The following RUSC1 variants were observed in gnomAD, a reference collection of about 807,000 sequenced individuals.
RUSC1 encodes the protein AP-4 complex accessory subunit RUSC1.
Under a neutral mutation model 72.1 loss-of-function variants are expected in RUSC1, and 40 were observed. That is an observed-to-expected ratio of 0.55 (90% CI 0.43 to 0.72). The LOEUF (loss-of-function observed/expected upper bound fraction) is 0.72. RUSC1 is among the 30% of genes least tolerant of loss of function. The pLI is 0.00. For synonymous variants in RUSC1, 512 were observed against 494.2 expected, an observed-to-expected ratio of 1.04 and a Z score of -0.48; for missense variants, 1,092 against 1,172.3, an observed-to-expected ratio of 0.93 and a Z score of 1.00.
chr1:155,321,297 ACCT>A (rs781388549), intron 1 of RUSC1: 2 of 1,367,824 alleles, frequency 1.5e-6, no homozygotes, highest in South Asian at 1.1e-5. Context: ...CCCATCCTCC[ACCT>A]CCTTTCAGGG....
chr1:155,325,543 G>T lies in RUSC1; in HGVS notation c.1709-24G>T. The T allele has an allele frequency of 6.2e-7, 1 of 1,607,288 alleles. No individual in the cohort carries two copies. On this transcript the variant is annotated intron_variant, in intron 5 of 9. Coordinates refer to ENST00000368352, the MANE Select transcript of RUSC1 (RefSeq NM_001105203.2). This position sits in a 1 kb window ranked among gnomAD's most constrained non-coding sequence, Gnocchi z 6.5. ...AGTGCGCAGGGCAGGGCCGGGCTTGGCTGACTGCACCCCACGTTCTCAGGC... is the reference window on the plus strand; with the variant it reads ...AGTGCGCAGGGCAGGGCCGGGCTTGTCTGACTGCACCCCACGTTCTCAGGC...
chr1:155,328,264 GC>G lies in RUSC1; in HGVS notation c.2530del (p.Gln844LysfsTer20). On this transcript the variant is annotated frameshift_variant, in exon 9 of 10. Coordinates refer to ENST00000368352, the MANE Select transcript of RUSC1 (RefSeq NM_001105203.2). LOFTEE classifies it high-confidence loss of function. Reference sequence around the variant, plus strand: ...TTGAGGCCTCAGCACCCAGGATGGTGCAAACCCATAGGTAAGGAGGATTGGG... The same window carrying G: ...TTGAGGCCTCAGCACCCAGGATGGTGAAACCCATAGGTAAGGAGGATTGGG... ...ELEASAPRMV[Q>X]THRAVRALCD... is the part of the protein sequence containing the mutation. 1 of 1,611,692 alleles carries G rather than the reference GC, an allele frequency of 6.2e-7. No individual in the cohort carries two copies. The highest frequency in any genetic ancestry group is 8.5e-7 in the Non-Finnish European group (1 of 1,178,856).
Position 155,321,957 on chromosome 1 carries a change from G to A in RUSC1, c.184G>A (p.Ala62Thr), listed in dbSNP as rs1557988760. The change falls in exon 2 of 10, where the codon GCC becomes ACC. Residue 62 changes from alanine to threonine, a missense_variant. Physicochemically the swap from Ala to Thr is moderately conservative, Grantham distance 58 (BLOSUM62 0). Coordinates refer to ENST00000368352, the MANE Select transcript of RUSC1 (RefSeq NM_001105203.2). ...CCCCTGCAGTGGCACCCTGGTGGAC[G>A]CCAATTCCAACAGCCCAGCTGTGCC... is the stretch of plus-strand genomic sequence containing the variant. The part of the protein sequence containing the change: ...RGPCSGTLVD[A>T]NSNSPAVPCR... 5.0e-6 allele frequency: 8 copies of A among 1,599,550 alleles called. No homozygotes were observed. Among genetic ancestry groups the A allele is most frequent in the South Asian group, 1.1e-5 (1 of 89,040 alleles).
intron 2 of RUSC1, chr1:155,324,085 C>A (rs1650958478): frequency 8.6e-7 from 1 of 1,156,418 alleles, no homozygotes; most frequent in Non-Finnish European, 1.1e-6. Flanking sequence ...TACCCAGCCT[C>A]CATGCCAAGT....
Position 155,322,233 on chromosome 1 carries a change from A to G in RUSC1, c.460A>G (p.Thr154Ala). 1.2e-6 allele frequency: 2 copies of G among 1,612,968 alleles called. No homozygotes were observed. The highest frequency in any genetic ancestry group is 1.7e-6 in the Non-Finnish European group (2 of 1,179,236). Reference protein sequence around the residue: ...GSPLASAGPGTCSPDSFCCSP... With the variant: ...GSPLASAGPGACSPDSFCCSP... ...CCCACTGGCTTCAGCAGGCCCTGGC[A>G]CCTGCTCACCGGACAGCTTCTGCTG... The change falls in exon 2 of 10, where the codon ACC (threonine) becomes GCC (alanine). Residue 154 changes from threonine to alanine, a missense_variant. Thr to Ala is a moderately conservative substitution (Grantham distance 58, BLOSUM62 0). Transcript: ENST00000368352.
chr1:155,323,145 G>A lies in RUSC1; in HGVS notation c.1357+15G>A. ...CGGCCTGGAGGGTAAGAGGTCGCAA[G>A]AAGCGGGAGGAGGGCTGGGCTTCGG... is the stretch of plus-strand genomic sequence containing the variant. On this transcript the variant is annotated intron_variant, in intron 2 of 9. Coordinates refer to ENST00000368352, the MANE Select transcript of RUSC1 (RefSeq NM_001105203.2). 7.1e-7 allele frequency: 1 copy of A among 1,401,724 alleles called. No individual in the cohort carries two copies. Among genetic ancestry groups the A allele is most frequent in the Non-Finnish European group, 9.2e-7 (1 of 1,084,966 alleles). 86.8% of individuals were successfully genotyped at this position (1,401,724 alleles called of 1,614,324 possible).
In RUSC1 at chr1:155,322,833, C is replaced by T. The variant is rs200626932; in HGVS notation, c.1060C>T (p.Pro354Ser). 4.9e-5 allele frequency: 79 copies of T among 1,613,266 alleles called. No individual in the cohort carries two copies. In the East Asian group the frequency reaches 4.9e-4, roughly 10 times the overall value. ...CTTCTCGCCCGACACCGAGCTCCCC[C>T]CCTCGGGGTCGCCGGGCGGCTCCTC... ...IVFSPDTELP[P>S]SGSPGGSSAP... The change falls in exon 2 of 10, where the codon CCC becomes TCC. Residue 354 changes from proline (P) to serine (S), a missense_variant. Coordinates refer to ENST00000368352, the MANE Select transcript of RUSC1 (RefSeq NM_001105203.2).
rs761453001 is a variant in RUSC1 at position 155,328,205 on chromosome 1, G to A, written c.2470G>A (p.Gly824Arg). ...TVSVLALVKR[G>R]APPEMPSPQE... Reference sequence around the variant, plus strand: ...GAGTGTGTTGGCTCTTGTGAAGCGGGGGGCACCTCCCGAGATGCCTTCTCC... The same window carrying A: ...GAGTGTGTTGGCTCTTGTGAAGCGGAGGGCACCTCCCGAGATGCCTTCTCC... Residue 824 changes from glycine (G) to arginine (R), a missense_variant, in exon 9 of 10, where the codon GGG becomes AGG. Physicochemically the swap from Gly to Arg is moderately radical, Grantham distance 125. Transcript: ENST00000368352. 1 of 1,613,300 alleles carries A rather than the reference G, an allele frequency of 6.2e-7. No homozygotes were observed.
chr1:155,326,868 C>T lies in RUSC1; in HGVS notation c.2150C>T (p.Pro717Leu). 1.9e-6 allele frequency: 3 copies of T among 1,613,752 alleles called. No individual in the cohort carries two copies. Among genetic ancestry groups the T allele is most frequent in the South Asian group, 2.2e-5 (2 of 91,092 alleles). Residue 717 changes from proline (P) to leucine (L), a missense_variant, in exon 8 of 10, where the codon CCC (proline) becomes CTC (leucine). Coordinates refer to ENST00000368352, the MANE Select transcript of RUSC1 (RefSeq NM_001105203.2). The surrounding 1 kb of genome is among the most constrained non-coding windows in gnomAD (Gnocchi z 4.7). ...ACTTCCAAGGAAGCTGCTTCAGACC[C>T]CTCTGACTCTCCAAACCTTCCCACA... Reference protein sequence around the residue: ...RGTSKEAASDPSDSPNLPTPG... With the variant: ...RGTSKEAASDLSDSPNLPTPG...
rs766410988 is a variant in RUSC1, at chr1:155,322,762, C to T, written c.989C>T (p.Pro330Leu). ...AAGCGCAAGCGGGGCCCAGGGCTGCCCCTTGTCCCGCAGGCGAAGAAAGAT... is the reference window on the plus strand; with the variant it reads ...AAGCGCAAGCGGGGCCCAGGGCTGCTCCTTGTCCCGCAGGCGAAGAAAGAT... ...AQKRKRGPGL[P>L]LVPQAKKDRS... Residue 330 changes from proline (P) to leucine (L), a missense_variant, in exon 2 of 10, where the codon CCC (proline) becomes CTC (leucine). Coordinates refer to ENST00000368352, the MANE Select transcript of RUSC1 (RefSeq NM_001105203.2). 1 of 1,613,910 alleles carries T rather than the reference C, an allele frequency of 6.2e-7. No individual in the cohort carries two copies. Among genetic ancestry groups the T allele is most frequent in the South Asian group, 1.1e-5 (1 of 91,074 alleles).
At position 155,322,808 on chromosome 1, in the gene RUSC1, C is replaced by T. The variant is rs1650722886; in HGVS notation, c.1035C>T (p.Val345=). ...AAGATCGCAGTGACTGGCTCATAGT[C>T]TTCTCGCCCGACACCGAGCTCCCCC... ...AKKDRSDWLI[V]FSPDTELPPS... The change falls in exon 2 of 10, where the codon GTC becomes GTT. Residue 345 remains valine, a synonymous_variant. Coordinates refer to ENST00000368352, the MANE Select transcript of RUSC1 (RefSeq NM_001105203.2). 1 of 1,613,960 alleles carries T rather than the reference C, an allele frequency of 6.2e-7. No homozygotes were observed. The highest frequency in any genetic ancestry group is 8.5e-7 in the Non-Finnish European group (1 of 1,179,964).
Position 155,330,482 on chromosome 1 carries a change from A to G in RUSC1, c.2620A>G (p.Ile874Val), listed in dbSNP as rs781658261. ...SFRRGEVLRV[I>V]TTVDEDWLRC... ...CCGGCGTGGGGAAGTGCTGCGTGTC[A>G]TCACCACAGTGGATGAGGACTGGCT... The change falls in exon 10 of 10, where the codon ATC (isoleucine) becomes GTC (valine). Residue 874 changes from isoleucine (I) to valine (V), a missense_variant. Physicochemically the swap from Ile to Val is conservative, Grantham distance 29. Coordinates refer to ENST00000368352, the MANE Select transcript of RUSC1 (RefSeq NM_001105203.2). 1.2e-6 allele frequency: 2 copies of G among 1,613,982 alleles called. No homozygotes were observed. Among genetic ancestry groups the G allele is most frequent in the East Asian group, 4.5e-5 (2 of 44,870 alleles).
chr1:155,321,378 T>C (rs1354358840), intron 1 of RUSC1: 9 of 1,379,582 alleles, frequency 6.5e-6, no homozygotes, highest in South Asian at 1.1e-5. Flanking sequence ...CAGGGCCAGA[T>C]TGCGGCAGCA....
chr1:155,324,764 C>G (rs375632138), intron 2 of RUSC1, 81 bp from the exon 3 acceptor site: 7 of 1,607,778 alleles, frequency 4.4e-6, no homozygotes, highest in East Asian at 2.2e-5. Context: ...GCAGACCCGC[C>G]GGAGACAACT....
rs969269783 is a variant in RUSC1, at chr1:155,327,236, C to G, written c.2414+104C>G. The G allele has an allele frequency of 3.3e-6, 4 of 1,229,482 alleles. No homozygotes were observed. In the African/African-American group the frequency reaches 6.0e-5, roughly 19 times the overall value. The allele number at this position is 1,229,482 out of a possible 1,614,324, so 76.2% of individuals were successfully genotyped here. On this transcript the variant is annotated intron_variant, in intron 8 of 9. Transcript: ENST00000368352. Reference sequence around the variant, plus strand: ...GATGATCCTTTAGGGCAGAGATTGGCGGTCTGTTTTTCTACAGCCATGAGC... The same window carrying G: ...GATGATCCTTTAGGGCAGAGATTGGGGGTCTGTTTTTCTACAGCCATGAGC...
chr1:155,322,273 G>T lies in RUSC1; in HGVS notation c.500G>T (p.Cys167Phe). ...AGCTTCTGCTGCTCTCCTGATTCCT[G>T]CTCCGGAGCTTCTTCTTCACCCGAT... is the stretch of plus-strand genomic sequence containing the variant. ...PDSFCCSPDS[C>F]SGASSSPDPG... The change falls in exon 2 of 10, where the codon TGC becomes TTC. Residue 167 changes from cysteine to phenylalanine, a missense_variant. Physicochemically the swap from Cys to Phe is radical, Grantham distance 205. Transcript: ENST00000368352. 6.2e-7 allele frequency: 1 copy of T among 1,611,960 alleles called. No individual in the cohort carries two copies. The highest frequency in any genetic ancestry group is 8.5e-7 in the Non-Finnish European group (1 of 1,178,438).
Position 155,325,775 on chromosome 1 carries a change from C to G in RUSC1, c.1815-89C>G, listed in dbSNP as rs1651319639. The G allele has an allele frequency of 5.1e-6, 8 of 1,583,000 alleles. No individual in the cohort carries two copies. Among genetic ancestry groups the G allele is most frequent in the African/African-American group, 1.3e-5 (1 of 74,126 alleles). On this transcript the variant is annotated intron_variant, in intron 6 of 9. Transcript: ENST00000368352. This position sits in a 1 kb window ranked among gnomAD's most constrained non-coding sequence, Gnocchi z 6.5. ...CCTCACATCCCCAGAGAAGGCCCCC[C>G]CTCTTCCAATCTCATCTCCCATCCT...
chr1:155,322,564 C>T lies in RUSC1; in HGVS notation c.791C>T (p.Ser264Phe). Reference sequence around the variant, plus strand: ...TGGAAAAACAACGGGAATGTTAACTCTAGCTGGAAAAGTGAACCTGAAAAA... The same window carrying T: ...TGGAAAAACAACGGGAATGTTAACTTTAGCTGGAAAAGTGAACCTGAAAAA... Reference protein sequence around the residue: ...TGWKNNGNVNSSWKSEPEKFD... With the variant: ...TGWKNNGNVNFSWKSEPEKFD... Residue 264 changes from serine (S) to phenylalanine (F), a missense_variant, in exon 2 of 10, where the codon TCT becomes TTT. Transcript: ENST00000368352. The T allele has an allele frequency of 1.2e-6, 2 of 1,614,200 alleles. No individual in the cohort carries two copies. The highest frequency in any genetic ancestry group is 8.5e-7 in the Non-Finnish European group (1 of 1,180,034).
intron 2 of RUSC1, 124 bp from the exon 3 acceptor site, chr1:155,324,720 TC>T (rs537757967): frequency 6.4e-7 from 1 of 1,569,838 alleles, no homozygotes; most frequent in South Asian, 1.2e-5. Flanking sequence ...GTCCTGCGCC[TC>T]CTCTCCCCAA....
Sources: allele counts gnomAD v4.1 joint callset, GRCh38; gene constraint gnomAD v4.1.1; non-coding constraint Gnocchi (gnomAD v3.1); transcripts MANE v1.5; gene names NCBI Gene and HGNC (gene_info 2026-07-23, HGNC 2026-07-21).